Variants in SPATS2L observed in about 807,000 individuals in gnomAD.
SPATS2L encodes spermatogenesis associated serine rich 2 like, also known as SPATS2-like protein.
A neutral mutation model predicts 59.6 loss-of-function variants in SPATS2L; 30 were observed. The observed-to-expected ratio is 0.50, with a 90% CI of 0.38 to 0.68. The LOEUF (loss-of-function observed/expected upper bound fraction) is 0.68, where lower values mean the gene tolerates loss of function less well. Among genes scored for constraint, SPATS2L ranks in the 30% least tolerant of loss-of-function variants. The pLI is 0.00. For synonymous variants in SPATS2L, 252 were observed against 263.5 expected (o/e 0.96, Z 0.42); for missense variants, 615 against 700.0 (o/e 0.88, Z 1.37).
At chr2:200,437,871 G>A (rs2084407587) in intron 6 of SPATS2L, among the ~76,000 whole-genome samples, 1 of 152,056 alleles carries the variant, frequency 6.6e-6, no homozygotes, top group Non-Finnish European at 1.5e-5. Flanking sequence ...ACTGTGTCAG[G>A]TAAGATATTC....
In SPATS2L at chr2:200,306,888, G is replaced by C; in HGVS notation, c.-107G>C. 2 of 981,158 alleles carry C rather than the reference G, an allele frequency of 2.0e-6. No individual in the cohort carries two copies. Among genetic ancestry groups the C allele is most frequent in the Non-Finnish European group, 2.4e-6 (2 of 828,268 alleles). The allele number at this position is 981,158 out of a possible 1,614,324, so 60.8% of individuals were successfully genotyped here. A position where few individuals can be genotyped will look rare whatever the true frequency, so the allele number is the denominator to read the frequency against. On this transcript the variant is annotated 5_prime_UTR_variant, in exon 1 of 13. Coordinates refer to ENST00000409140, the MANE Select transcript of SPATS2L (RefSeq NM_001100423.2). ...GACCGCGCCCCCGGGCCCCGGCTCC[G>C]GCCCGGGACGGAGGAGCCGGCGCTC...
chr2:200,436,310 A>G lies in SPATS2L; in HGVS notation c.446-2812A>G, dbSNP rs1031514621. ...CTATATTTGAAGACAGATCTATACT[A>G]AAGTAACACTGATACATTCATTATT... is the stretch of plus-strand genomic sequence containing the variant. On this transcript the variant is annotated intron_variant, in intron 6 of 12. Transcript: ENST00000409140. 4.6e-5 allele frequency among the ~76,000 whole-genome samples: 7 copies of G among 152,330 alleles called. No homozygotes were observed. The South Asian group carries it at 1.4e-3, about 32-fold the overall frequency.
intron 2 of SPATS2L, among the ~76,000 whole-genome samples, chr2:200,338,631 G>T (rs1483901470): frequency 6.6e-6 from 1 of 152,174 alleles, no homozygotes; most frequent in Non-Finnish European, 1.5e-5. Context: ...ACAGTGAAAA[G>T]ATTCATCTTA....
intron 2 of SPATS2L, among the ~76,000 whole-genome samples, chr2:200,365,838 T>C (rs552106740): frequency 3.9e-4 from 60 of 152,308 alleles, no homozygotes; most frequent in African/African-American, 1.3e-3. Flanking sequence ...TTCTGCTCAC[T>C]TGTCTGGTCA....
intron 8 of SPATS2L, among the ~76,000 whole-genome samples, chr2:200,452,094 G>A (rs550374882): frequency 9.2e-5 from 14 of 152,180 alleles, no homozygotes; most frequent in Middle Eastern, 3.4e-3. Context: ...CACCACGCCC[G>A]GCAGATGTAA....
chr2:200,476,504 GGCCTTGCAACAGGGGT>G (rs1184131526), intron 12 of SPATS2L, among the ~76,000 whole-genome samples: 5 of 152,212 alleles, frequency 3.3e-5, no homozygotes, highest in African/African-American at 1.2e-4. Context: ...CCCCTTCACA[GGCCTTGCAACAGGGGT>G]GCCTCACTTT....
rs1264075414 is a variant in SPATS2L, at chr2:200,352,311, TTTTATATATATATATATATATA to T, written c.-23+22833_-23+22854del. Among the ~76,000 whole-genome samples, 153 of 121,972 alleles carry T rather than the reference TTTTATATATATATATATATATA, an allele frequency of 1.3e-3. 11 individuals carry two copies. Among genetic ancestry groups the T allele is most frequent in the African/African-American group, 5.4e-3 (116 of 21,614 alleles). The allele number at this position is 121,972 out of a possible 152,430, so 80.0% of individuals were successfully genotyped here. On this transcript the variant is annotated intron_variant, in intron 2 of 12. Transcript: ENST00000409140. ...GTTTTGAGGCTATATAACCAGCAGTTTTTATATATATATATATATATATATATATATATATATATATATATAT... is the reference window on the plus strand; with the variant it reads ...GTTTTGAGGCTATATAACCAGCAGTTTATATATATATATATATATATATAT...
chr2:200,387,184 A>G (rs1559087481), intron 2 of SPATS2L, among the ~76,000 whole-genome samples: 1 of 152,228 alleles, frequency 6.6e-6, no homozygotes. Context: ...TTTGCCAGCT[A>G]TTAGGTTGGT....
chr2:200,452,125 G>C (rs765233505), intron 8 of SPATS2L, among the ~76,000 whole-genome samples: 1 of 152,244 alleles, frequency 6.6e-6, no homozygotes, highest in African/African-American at 2.4e-5. Flanking sequence ...GGAAGCGGGG[G>C]AGTCAGCATT....
intron 2 of SPATS2L, among the ~76,000 whole-genome samples, chr2:200,350,805 G>T (rs891758312): frequency 1.3e-5 from 2 of 152,140 alleles, no homozygotes; most frequent in African/African-American, 4.8e-5. Context: ...AAAGTGCTGG[G>T]ATTATAGGCA....
chr2:200,450,688 G>A (rs1262823303), intron 8 of SPATS2L, among the ~76,000 whole-genome samples: 2 of 152,136 alleles, frequency 1.3e-5, no homozygotes, highest in Admixed American at 6.5e-5. Context: ...TCCACTCAGT[G>A]AGTCTAGTGA....
At chr2:200,377,158 G>A (rs759468220) in intron 2 of SPATS2L, among the ~76,000 whole-genome samples, 5 of 152,132 alleles carry the variant, frequency 3.3e-5, no homozygotes, top group East Asian at 1.9e-4. Context: ...ACGCTATGCC[G>A]TAGTTACTAT....
chr2:200,333,939 T>G (rs2080048251), intron 2 of SPATS2L, among the ~76,000 whole-genome samples: 2 of 152,154 alleles, frequency 1.3e-5, no homozygotes, highest in South Asian at 4.1e-4. Flanking sequence ...TCTTTGCTAT[T>G]GTGAATAGTG....
intron 1 of SPATS2L, among the ~76,000 whole-genome samples, chr2:200,313,648 G>A (rs148258413): frequency 2.8e-4 from 42 of 152,244 alleles, no homozygotes; most frequent in African/African-American, 9.6e-4. Context: ...AACGCTTTTG[G>A]TCGCTTCTCT....
At chr2:200,326,418 T>C (rs917242482) in intron 1 of SPATS2L, among the ~76,000 whole-genome samples, 1 of 152,190 alleles carries the variant, frequency 6.6e-6, no homozygotes, top group Admixed American at 6.5e-5. Context: ...TTACCAATAA[T>C]CCTTCACCCT....
At chr2:200,324,358 A>C (rs1460501298) in intron 1 of SPATS2L, among the ~76,000 whole-genome samples, 1 of 152,108 alleles carries the variant, frequency 6.6e-6, no homozygotes, top group Non-Finnish European at 1.5e-5. Context: ...TAGAGAGCCC[A>C]CCCAAGGCCC....
intron 6 of SPATS2L, among the ~76,000 whole-genome samples, chr2:200,438,790 G>A (rs375560611): frequency 1.3e-5 from 2 of 152,108 alleles, no homozygotes; most frequent in South Asian, 2.1e-4. Context: ...TAGCAGGGGG[G>A]AAAAGGCACT....
chr2:200,384,569 G>A (rs1411481421), intron 2 of SPATS2L, among the ~76,000 whole-genome samples: 2 of 152,168 alleles, frequency 1.3e-5, no homozygotes, highest in African/African-American at 4.8e-5. Flanking sequence ...AGCCAGGATG[G>A]TCTTGATCTC....
chr2:200,310,768 G>A (rs2105743326), intron 1 of SPATS2L, among the ~76,000 whole-genome samples: 1 of 152,200 alleles, frequency 6.6e-6, no homozygotes, highest in East Asian at 1.9e-4. Context: ...GGATCTCACT[G>A]CCCTTCTAAG....
Sources: gnomAD v4.1 joint callset for allele counts (sites outside exome capture counted in the v4.1 genomes callset) on GRCh38, gnomAD v4.1.1 for gene constraint, MANE v1.5 for transcripts, NCBI Gene and HGNC (gene_info 2026-07-23, HGNC 2026-07-21) for gene names.